The following POPDC2 variants were observed in gnomAD, a reference collection of about 807,000 sequenced individuals.
POPDC2 encodes popeye domain cAMP effector 2.
Under a neutral mutation model 30.5 loss-of-function variants are expected in POPDC2, and 24 were observed. The observed-to-expected ratio is 0.79, with a 90% CI of 0.57 to 1.11. The LOEUF is 1.11. POPDC2 is among the 50% of genes least tolerant of loss of function. The probability of loss-of-function intolerance (pLI) is 0.00; values close to 1 mark genes in which losing one functional copy is unlikely to be tolerated. For missense variants in POPDC2, 409 were observed against 447.0 expected (o/e 0.91, Z 0.77); for synonymous variants, 185 against 183.3 (o/e 1.01, Z -0.07).
chr3:119,655,853 G>T (rs1349331191), intron 1 of POPDC2, among the ~76,000 whole-genome samples: 1 of 152,104 alleles, frequency 6.6e-6, no homozygotes, highest in Non-Finnish European at 1.5e-5. Flanking sequence ...GATGGTAGTG[G>T]ACTCTCCTAG....
intron 2 of POPDC2, among the ~76,000 whole-genome samples, chr3:119,653,072 A>G (rs12492120): frequency 1.6e-4 from 16 of 101,236 alleles, no homozygotes; most frequent in Admixed American, 9.9e-4. Flanking sequence ...GTGTGTGTGT[A>G]TGTGTGTGTG....
At chr3:119,645,301 G>T (rs1056043545) in intron 3 of POPDC2, among the ~76,000 whole-genome samples, 1 of 152,286 alleles carries the variant, frequency 6.6e-6, no homozygotes, top group Middle Eastern at 3.4e-3. Context: ...AGTGGCTCAC[G>T]CCCGTAATCC....
intron 3 of POPDC2, 56 bp downstream of exon 3, chr3:119,648,063 T>C (rs1220597228): frequency 7.4e-7 from 1 of 1,342,706 alleles, no homozygotes; most frequent in African/African-American, 1.5e-5. Context: ...CCTAACAAGC[T>C]GAGTTAAGGC....
chr3:119,657,914 C>T (rs563624182), intron 1 of POPDC2, among the ~76,000 whole-genome samples: 1 of 152,266 alleles, frequency 6.6e-6, no homozygotes, highest in African/African-American at 2.4e-5. Flanking sequence ...AGAGAAACGT[C>T]TAAGTTAAGC....
Position 119,648,415 on chromosome 3 carries a change from C to A in POPDC2, c.854G>T (p.Gly285Val). 6 of 1,614,140 alleles carry A rather than the reference C, an allele frequency of 3.7e-6. No individual in the cohort carries two copies. Among genetic ancestry groups the A allele is most frequent in the Non-Finnish European group, 5.1e-6 (6 of 1,180,030 alleles). ...AGCTGGCTCACAGACTTCCTCATCA[C>A]CCTTCTCGGACTCTGGTCCAGCATC... Reference protein sequence around the residue: ...AADAGPESEKGDEEVCEPAVS... With the variant: ...AADAGPESEKVDEEVCEPAVS... Residue 285 changes from glycine to valine, a missense_variant, in exon 3 of 4, where the codon GGT becomes GTT. Transcript: ENST00000493094.
At chr3:119,655,251 T>C (rs1487574001) in intron 1 of POPDC2, among the ~76,000 whole-genome samples, 1 of 151,908 alleles carries the variant, frequency 6.6e-6, no homozygotes, top group East Asian at 1.9e-4. Context: ...TCACTTGAAC[T>C]CGGGGGTGGA....
chr3:119,660,667 T>TCCCCCCCGCCACA (rs1553798110), upstream of POPDC2: 2 of 225,056 alleles, frequency 8.9e-6, no homozygotes, highest in African/African-American at 6.8e-5. Flanking sequence ...CCCCCCTCTC[T>TCCCCCCCGCCACA]CCTCCCCACC....
intron 3 of POPDC2, chr3:119,643,302 A>G: frequency 2.0e-6 from 2 of 1,017,676 alleles, no homozygotes; most frequent in East Asian, 2.6e-5. Flanking sequence ...CTGACATGTG[A>G]CTTAGCTATT....
chr3:119,650,755 A>T (rs2107817666), intron 2 of POPDC2, among the ~76,000 whole-genome samples: 1 of 152,362 alleles, frequency 6.6e-6, no homozygotes, highest in Middle Eastern at 3.4e-3. Context: ...TCATCTGCAT[A>T]CAACCAACTC....
At chr3:119,648,988 C>A (rs192164217) in intron 2 of POPDC2, among the ~76,000 whole-genome samples, 8 of 152,180 alleles carry the variant, frequency 5.3e-5, no homozygotes, top group African/African-American at 1.9e-4. Context: ...CTAATGACTG[C>A]AGAAAGTTCT....
At chr3:119,659,379 C>T (rs186338928) in intron 1 of POPDC2, among the ~76,000 whole-genome samples, 2 of 152,332 alleles carry the variant, frequency 1.3e-5, no homozygotes, top group East Asian at 1.9e-4. Context: ...TACCTGGCTA[C>T]ATACAGCTAC....
chr3:119,649,283 A>T lies in POPDC2; in HGVS notation c.601-615T>A, dbSNP rs1461456823. On this transcript the variant is annotated intron_variant, in intron 2 of 3. Coordinates refer to ENST00000493094, the MANE Select transcript of POPDC2 (RefSeq NM_001369919.2). ...AAAAGGATCTGATGACTGAAATCAGAAAAAGGGCATAGCGGAAGACAAACT... is the reference window on the plus strand; with the variant it reads ...AAAAGGATCTGATGACTGAAATCAGTAAAAGGGCATAGCGGAAGACAAACT... Among the ~76,000 whole-genome samples, 4 of 152,170 alleles carry T rather than the reference A, an allele frequency of 2.6e-5. No individual in the cohort carries two copies. In the East Asian group the frequency reaches 7.7e-4, roughly 29 times the overall value.
intron 3 of POPDC2, among the ~76,000 whole-genome samples, chr3:119,645,075 C>T (rs986069357): frequency 6.6e-6 from 1 of 152,160 alleles, no homozygotes; most frequent in African/African-American, 2.4e-5. Flanking sequence ...CTCTCTATTG[C>T]TTAAACAAAG....
At position 119,648,307 on chromosome 3, in the gene POPDC2, G is replaced by A. The variant is rs750287341; in HGVS notation, c.962C>T (p.Ala321Val). The A allele has an allele frequency of 8.1e-6, 13 of 1,614,162 alleles. No homozygotes were observed. Among genetic ancestry groups the A allele is most frequent in the Non-Finnish European group, 1.0e-5 (12 of 1,180,026 alleles). ...GGACAACCTGGCCCGGGTAGGAGGT[G>A]CAGGAAAGTTGGTGGTAGCTGGAGG... ...STPPATTNFP[A>V]PPTRARLSRP... The change falls in exon 3 of 4, where the codon GCA (alanine) becomes GTA (valine). Residue 321 changes from alanine (A) to valine (V), a missense_variant. By Grantham distance (64) the Ala-to-Val change is moderately conservative (BLOSUM62 0). Transcript: ENST00000493094.
chr3:119,656,699 C>T (rs529581941), intron 1 of POPDC2, among the ~76,000 whole-genome samples: 1 of 152,296 alleles, frequency 6.6e-6, no homozygotes, highest in South Asian at 2.1e-4. Context: ...GCCCAGAAAA[C>T]TCAGAGTTTC....
intron 2 of POPDC2, among the ~76,000 whole-genome samples, chr3:119,649,213 G>A (rs1284357404): frequency 3.9e-5 from 6 of 152,114 alleles, no homozygotes; most frequent in African/African-American, 4.8e-5. Flanking sequence ...GTTGGGATAC[G>A]AGCAAGTTAC....
intron 1 of POPDC2, among the ~76,000 whole-genome samples, chr3:119,655,920 A>T (rs1577172716): frequency 6.6e-6 from 1 of 152,256 alleles, no homozygotes; most frequent in Admixed American, 6.5e-5. Flanking sequence ...TTGTTTCTTT[A>T]GACAATGAGA....
rs1343558390 is a variant in POPDC2, at chr3:119,654,744, C to T, written c.492-131G>A. ...TACTTTGCCTAAAGCATGGTAAAAC[C>T]CAAAGCTAGACTAGCCAGCCTAATT... On this transcript the variant is annotated intron_variant, in intron 1 of 3. Transcript: ENST00000493094. 16 of 682,096 alleles carry T rather than the reference C, an allele frequency of 2.3e-5. No individual in the cohort carries two copies. In the East Asian group the frequency reaches 4.4e-4, roughly 19 times the overall value. 42.3% of individuals were successfully genotyped at this position (682,096 alleles called of 1,614,324 possible). A position where few individuals can be genotyped will look rare whatever the true frequency, so the allele number is the denominator to read the frequency against.
chr3:119,643,931 T>G (rs945779434), intron 3 of POPDC2, among the ~76,000 whole-genome samples: 1 of 152,184 alleles, frequency 6.6e-6, no homozygotes, highest in African/African-American at 2.4e-5. Context: ...CTACACCAAA[T>G]TAAGTCAAAT....
Sources: allele counts gnomAD v4.1 joint callset (sites outside exome capture counted in the v4.1 genomes callset), GRCh38; gene constraint gnomAD v4.1.1; transcripts MANE v1.5; gene names NCBI Gene and HGNC (gene_info 2026-07-23, HGNC 2026-07-21).